ATE1: variants seen among roughly 807,000 people sequenced by gnomAD.
The protein encoded by ATE1 is arginyl-tRNA--protein transferase 1.
In ATE1, 36 loss-of-function variants were observed where a neutral mutation model predicts 70.5. The ratio of observed to expected loss-of-function variants is 0.51; its 90% confidence interval spans 0.39 to 0.67. The LOEUF is 0.67. Ranked by LOEUF, ATE1 falls within the 30% of genes least tolerant of loss-of-function variation. The pLI, the probability that ATE1 is intolerant of heterozygous loss-of-function variation, is 0.00. For synonymous variants in ATE1, 232 were observed against 219.3 expected, an observed-to-expected ratio of 1.06 and a Z score of -0.51; for missense variants, 593 against 629.5, an observed-to-expected ratio of 0.94 and a Z score of 0.62.
At chr10:121,913,169 G>A (rs1197255196) in intron 4 of ATE1, among the ~76,000 whole-genome samples, 1 of 152,020 alleles carries the variant, frequency 6.6e-6, no homozygotes, top group South Asian at 2.1e-4. Context: ...GTGAGCCACT[G>A]CCCCCGGCCC....
At chr10:121,884,909 T>C (rs1026368370) in intron 7 of ATE1, among the ~76,000 whole-genome samples, 5 of 152,176 alleles carry the variant, frequency 3.3e-5, no homozygotes, top group African/African-American at 9.6e-5. Context: ...TTAATTGAAT[T>C]ATACAAATAA....
chr10:121,862,532 A>ATTTTTTTTTTTTTT (rs35130703), intron 8 of ATE1, among the ~76,000 whole-genome samples: 15 of 105,376 alleles, frequency 1.4e-4, no homozygotes, highest in Admixed American at 2.4e-4. Flanking sequence ...AATTTTTTTA[A>ATTTTTTTTTTTTTT]TTTTTTTTTT....
At chr10:121,923,876 TAAA>T (rs1951977650) in intron 2 of ATE1, among the ~76,000 whole-genome samples, 1 of 152,120 alleles carries the variant, frequency 6.6e-6, no homozygotes, top group Non-Finnish European at 1.5e-5. Flanking sequence ...GTGGATAAGT[TAAA>T]AAGAAAAAAA....
At chr10:121,788,222 T>C (rs1874659) in intron 11 of ATE1, among the ~76,000 whole-genome samples, 93,402 of 152,086 alleles carry the variant, frequency 0.61, 28,693 homozygotes, top group South Asian at 0.66. Context: ...CCAAAATTGA[T>C]TGACAAATTT....
chr10:121,752,931 A>G (rs1944647380), intron 11 of ATE1, among the ~76,000 whole-genome samples: 1 of 152,230 alleles, frequency 6.6e-6, no homozygotes. Context: ...AATGAATTTG[A>G]GGAGTACTAC....
chr10:121,787,550 T>C (rs1445453490), intron 11 of ATE1, among the ~76,000 whole-genome samples: 1 of 152,110 alleles, frequency 6.6e-6, no homozygotes, highest in Non-Finnish European at 1.5e-5. Context: ...AGATTCAGCA[T>C]ATGAAAAAAA....
intron 8 of ATE1, among the ~76,000 whole-genome samples, chr10:121,852,946 T>A (rs1225534006): frequency 6.6e-6 from 1 of 152,176 alleles, no homozygotes; most frequent in Non-Finnish European, 1.5e-5. Flanking sequence ...TGGCTGACAA[T>A]TAGACACTAA....
chr10:121,909,581 C>T (rs1431976627), intron 5 of ATE1, among the ~76,000 whole-genome samples: 1 of 151,958 alleles, frequency 6.6e-6, no homozygotes, highest in African/African-American at 2.4e-5. Context: ...GTTTCAAATG[C>T]AGGTAGAGTA....
At chr10:121,854,027 TA>T (rs767790939) in intron 8 of ATE1, among the ~76,000 whole-genome samples, 1 of 152,186 alleles carries the variant, frequency 6.6e-6, no homozygotes, top group Non-Finnish European at 1.5e-5. Context: ...CACTGAGTAT[TA>T]GGTTCTAACA....
chr10:121,909,674 T>G (rs1185646373), intron 5 of ATE1, among the ~76,000 whole-genome samples: 1 of 152,182 alleles, frequency 6.6e-6, no homozygotes, highest in Non-Finnish European at 1.5e-5. Context: ...TATAAGTAAT[T>G]TTATTAAAAA....
intron 8 of ATE1, among the ~76,000 whole-genome samples, chr10:121,848,462 C>CA (rs879632141): frequency 1.2e-4 from 18 of 150,480 alleles, no homozygotes; most frequent in Admixed American, 1.1e-3. Context: ...ACTAAAAATA[C>CA]AAAAAAATAG....
At chr10:121,761,187 A>G (rs1163401154) in intron 11 of ATE1, among the ~76,000 whole-genome samples, 5 of 152,156 alleles carry the variant, frequency 3.3e-5, no homozygotes, top group Non-Finnish European at 5.9e-5. Context: ...CCTCATCAGA[A>G]GCTGAGCAGG....
intron 4 of ATE1, among the ~76,000 whole-genome samples, chr10:121,912,767 C>T (rs1298235660): frequency 8.7e-5 from 13 of 149,468 alleles, no homozygotes; most frequent in Non-Finnish European, 1.8e-4. Flanking sequence ...TTGGTGGAGA[C>T]AGAGTCTTGC....
intron 7 of ATE1, among the ~76,000 whole-genome samples, chr10:121,872,140 A>T (rs1018302060): frequency 2.7e-5 from 4 of 150,152 alleles, no homozygotes; most frequent in African/African-American, 9.9e-5. Flanking sequence ...TTTTGAATTT[A>T]TAAGCAAGTC....
At chr10:121,827,037 TG>T (rs1948049670) in intron 10 of ATE1, among the ~76,000 whole-genome samples, 1 of 150,620 alleles carries the variant, frequency 6.6e-6, no homozygotes, top group Admixed American at 6.6e-5. Context: ...TTTTTTGAGA[TG>T]GAGTCTCTCT....
At chr10:121,745,291 T>C (rs1944304470) in intron 11 of ATE1, among the ~76,000 whole-genome samples, 1 of 152,196 alleles carries the variant, frequency 6.6e-6, no homozygotes, top group African/African-American at 2.4e-5. Flanking sequence ...TTCTCAAGCC[T>C]GACTACATAT....
At chr10:121,891,034 G>C (rs7086489) in intron 7 of ATE1, among the ~76,000 whole-genome samples, 1 of 152,094 alleles carries the variant, frequency 6.6e-6, no homozygotes, top group Non-Finnish European at 1.5e-5. Flanking sequence ...TCTTTGTCAC[G>C]GTCAATAAAG....
chr10:121,840,888 G>A (rs1286852676), intron 9 of ATE1, among the ~76,000 whole-genome samples, 194 bp downstream of exon 9: 1 of 150,692 alleles, frequency 6.6e-6, no homozygotes, highest in African/African-American at 2.4e-5. Context: ...ATATTATATA[G>A]GAGTATTTAA....
intron 10 of ATE1, among the ~76,000 whole-genome samples, chr10:121,830,985 T>C (rs1948213499): frequency 6.6e-6 from 1 of 152,220 alleles, no homozygotes; most frequent in African/African-American, 2.4e-5. Context: ...TGATCATGTT[T>C]CCAAATTCTA....
Sources: gnomAD v4.1 joint callset for allele counts (sites outside exome capture counted in the v4.1 genomes callset) on GRCh38, gnomAD v4.1.1 for gene constraint, MANE v1.5 for transcripts, NCBI Gene and HGNC (gene_info 2026-07-23, HGNC 2026-07-21) for gene names.